The following HOXD12 variants were observed in gnomAD, a reference collection of about 807,000 sequenced individuals.
The protein encoded by HOXD12 is homeobox D12, also known as homeobox protein Hox-D12.
In HOXD12, 21 loss-of-function variants were observed where a neutral mutation model predicts 20.2. The observed-to-expected ratio is 1.04, with a 90% confidence interval of 0.74 to 1.50. The LOEUF is 1.50. HOXD12 is among the 40% of genes most tolerant of loss of function. The probability of loss-of-function intolerance (pLI) is 0.00; values close to 1 mark genes in which losing one functional copy is unlikely to be tolerated. For missense variants in HOXD12, 472 were observed against 365.5 expected, an observed-to-expected ratio of 1.29 and a Z score of -2.38; for synonymous variants, 196 against 168.8, an observed-to-expected ratio of 1.16 and a Z score of -1.25.
In HOXD12 at chr2:176,100,159, GC is replaced by G; in HGVS notation, c.363del (p.Glu122SerfsTer51). On this transcript the variant is annotated frameshift_variant, in exon 1 of 2. Transcript: ENST00000406506. LOFTEE classifies it high-confidence loss of function. ...GCGCGGTCGTACCCGGCCGTCCTTCGCCCCCGAGTCTAGCCTGGCTCCTGCA... is the reference window on the plus strand; with the variant it reads ...GCGCGGTCGTACCCGGCCGTCCTTCGCCCCGAGTCTAGCCTGGCTCCTGCA... ...EERGRTRPSF[A>X]PESSLAPAVA... The G allele has an allele frequency of 6.2e-7, 1 of 1,611,878 alleles. No individual in the cohort carries two copies. The highest frequency in any genetic ancestry group is 8.5e-7 in the Non-Finnish European group (1 of 1,179,708).
Position 176,101,945 on chromosome 2 carries a change from A to G in HOXD12, c.*1185A>G, listed in dbSNP as rs1162328516. Reference sequence around the variant, plus strand: ...CTCTCACCGTCTCTACCATCTGCCAACTCTACCAGAGGCCCAGCTACTGTG... The same window carrying G: ...CTCTCACCGTCTCTACCATCTGCCAGCTCTACCAGAGGCCCAGCTACTGTG... On this transcript the variant is annotated 3_prime_UTR_variant, in exon 2 of 2. Coordinates refer to ENST00000406506, the MANE Select transcript of HOXD12 (RefSeq NM_021193.4). Among the ~76,000 whole-genome samples the G allele has an allele frequency of 6.6e-6, 1 of 152,150 alleles. No homozygotes were observed. The highest frequency in any genetic ancestry group is 1.5e-5 in the Non-Finnish European group (1 of 68,026).
Position 176,101,095 on chromosome 2 carries a change from C to T in HOXD12, c.*335C>T. On this transcript the variant is annotated 3_prime_UTR_variant, in exon 2 of 2. Coordinates refer to ENST00000406506, the MANE Select transcript of HOXD12 (RefSeq NM_021193.4). ...CCCCGGTACCTGGATTTTTCTGTTT[C>T]CACCCAATTCGTTCTCCCTTTCCCC... The T allele has an allele frequency of 2.4e-6, 1 of 420,910 alleles. No individual in the cohort carries two copies. The highest frequency in any genetic ancestry group is 4.3e-6 in the Non-Finnish European group (1 of 232,778). The allele number at this position is 420,910 out of a possible 1,614,324, so 26.1% of individuals were successfully genotyped here.
Position 176,100,691 on chromosome 2 carries a change from C to G in HOXD12, c.744C>G (p.Ile248Met). The G allele has an allele frequency of 6.2e-7, 1 of 1,614,040 alleles. No homozygotes were observed. Among genetic ancestry groups the G allele is most frequent in the Non-Finnish European group, 8.5e-7 (1 of 1,179,880 alleles). The change falls in exon 2 of 2, where the codon ATC (isoleucine) becomes ATG (methionine). Residue 248 changes from isoleucine to methionine, a missense_variant. Coordinates refer to ENST00000406506, the MANE Select transcript of HOXD12 (RefSeq NM_021193.4). Reference protein sequence around the residue: ...RLNLSDQQVKIWFQNRRMKKK... With the variant: ...RLNLSDQQVKMWFQNRRMKKK... ...ACCTCAGCGACCAGCAAGTCAAAAT[C>G]TGGTTCCAGAACAGGCGTATGAAGA...
Position 176,100,708 on chromosome 2 carries a change from G to A in HOXD12, c.761G>A (p.Arg254His), listed in dbSNP as rs375056968. The A allele has an allele frequency of 1.5e-5, 25 of 1,613,872 alleles. No individual in the cohort carries two copies. The highest frequency in any genetic ancestry group is 1.9e-5 in the Non-Finnish European group (22 of 1,179,876). ...QQVKIWFQNR[R>H]MKKKRVVLRE... The stretch of plus-strand genomic sequence containing the variant: ...GTCAAAATCTGGTTCCAGAACAGGC[G>A]TATGAAGAAGAAGCGCGTGGTGCTT... The change falls in exon 2 of 2, where the codon CGT becomes CAT. Residue 254 changes from arginine to histidine, a missense_variant. Transcript: ENST00000406506.
chr2:176,100,098 G>T lies in HOXD12; in HGVS notation c.297G>T (p.Lys99Asn), dbSNP rs371388978. The T allele has an allele frequency of 2.5e-6, 4 of 1,606,856 alleles. No homozygotes were observed. The highest frequency in any genetic ancestry group is 3.4e-6 in the Non-Finnish European group (4 of 1,178,284). The change falls in exon 1 of 2, where the codon AAG becomes AAT. Residue 99 changes from lysine to asparagine, a missense_variant. Transcript: ENST00000406506. ...TAKDGPEEQA[K>N]FYAPEAAAGP... ...AAGACGGACCCGAAGAGCAGGCTAA[G>T]TTCTATGCGCCCGAAGCGGCCGCTG...
Position 176,101,999 on chromosome 2 carries a change from C to T in HOXD12, c.*1239C>T, listed in dbSNP as rs1289923786. ...CTTCTGAGGCATGTCTGGCCTGTCC[C>T]AGTGGAGACTTTAAGGCCCTGGGCC... On this transcript the variant is annotated 3_prime_UTR_variant, in exon 2 of 2. Transcript: ENST00000406506. Among the ~76,000 whole-genome samples, 1 of 152,240 alleles carries T rather than the reference C, an allele frequency of 6.6e-6. No individual in the cohort carries two copies. Among genetic ancestry groups the T allele is most frequent in the African/African-American group, 2.4e-5 (1 of 41,456 alleles).
In HOXD12 at chr2:176,100,228, G is replaced by C. The variant is rs964223599; in HGVS notation, c.427G>C (p.Gly143Arg). The C allele has an allele frequency of 6.2e-7, 1 of 1,612,218 alleles. No individual in the cohort carries two copies. Among genetic ancestry groups the C allele is most frequent in the South Asian group, 1.1e-5 (1 of 91,072 alleles). Reference sequence around the variant, plus strand: ...GGCCAAGTATGACTACGCTGGTGTGGGTCGTGCCACGCCGGGCTCCACGAC... The same window carrying C: ...GGCCAAGTATGACTACGCTGGTGTGCGTCGTGCCACGCCGGGCTCCACGAC... ...KAAKYDYAGV[G>R]RATPGSTTLL... The change falls in exon 1 of 2, where the codon GGT (glycine) becomes CGT (arginine). Residue 143 changes from glycine (G) to arginine (R), a missense_variant. Physicochemically the swap from Gly to Arg is moderately radical, Grantham distance 125. Transcript: ENST00000406506.
At position 176,101,023 on chromosome 2, in the gene HOXD12, C is replaced by G. The variant is rs1002850514; in HGVS notation, c.*263C>G. 3.2e-5 allele frequency: 18 copies of G among 556,242 alleles called. No individual in the cohort carries two copies. In the Middle Eastern group the frequency reaches 1.9e-3, roughly 58 times the overall value. The allele number at this position is 556,242 out of a possible 1,614,324, so 34.5% of individuals were successfully genotyped here. A position where few individuals can be genotyped will look rare whatever the true frequency, so the allele number is the denominator to read the frequency against. On this transcript the variant is annotated 3_prime_UTR_variant, in exon 2 of 2. Transcript: ENST00000406506. Reference sequence around the variant, plus strand: ...CCACGTTGGGGGACTGAGGCCAACTCTCCTTGCTCCTGGCTGGGGCATTTG... The same window carrying G: ...CCACGTTGGGGGACTGAGGCCAACTGTCCTTGCTCCTGGCTGGGGCATTTG...
Position 176,101,109 on chromosome 2 carries a change from C to T in HOXD12, c.*349C>T. On this transcript the variant is annotated 3_prime_UTR_variant, in exon 2 of 2. Coordinates refer to ENST00000406506, the MANE Select transcript of HOXD12 (RefSeq NM_021193.4). The stretch of plus-strand genomic sequence containing the variant: ...TTTTTCTGTTTCCACCCAATTCGTT[C>T]TCCCTTTCCCCCTCTCTCCAGCCCC... 1 of 387,576 alleles carries T rather than the reference C, an allele frequency of 2.6e-6. No homozygotes were observed. The highest frequency in any genetic ancestry group is 4.7e-6 in the Non-Finnish European group (1 of 211,600). The allele number at this position is 387,576 out of a possible 1,614,324, so 24.0% of individuals were successfully genotyped here.
At position 176,100,832 on chromosome 2, in the gene HOXD12, G is replaced by GGGCTAA; in HGVS notation, c.*83_*88dup. On this transcript the variant is annotated 3_prime_UTR_variant, in exon 2 of 2. Transcript: ENST00000406506. ...GGCCTTGTTTGGGGAGGGGGATCTG[G>GGGCTAA]GGCTAAGGCTAAGGCTTTTCCTTCG... 1 of 1,027,594 alleles carries GGGCTAA rather than the reference G, an allele frequency of 9.7e-7. No homozygotes were observed. Among genetic ancestry groups the GGGCTAA allele is most frequent in the Non-Finnish European group, 1.5e-6 (1 of 672,308 alleles). The allele number at this position is 1,027,594 out of a possible 1,614,324, so 63.7% of individuals were successfully genotyped here.
rs529104827 is a variant in HOXD12, at chr2:176,102,170, C to T, written c.*1410C>T. Among the ~76,000 whole-genome samples, 37 of 152,218 alleles carry T rather than the reference C, an allele frequency of 2.4e-4. No individual in the cohort carries two copies. Among genetic ancestry groups the T allele is most frequent in the African/African-American group, 8.9e-4 (37 of 41,484 alleles). On this transcript the variant is annotated 3_prime_UTR_variant, in exon 2 of 2. Transcript: ENST00000406506. ...CTATCCCTGCCTCTTCTCCCCTCTC[C>T]TTCTGACATGTAGCACTCCTCCTTC... is the stretch of plus-strand genomic sequence containing the variant.
chr2:176,101,866 T>C lies in HOXD12; in HGVS notation c.*1106T>C, dbSNP rs1298792649. Among the ~76,000 whole-genome samples, 1 of 152,222 alleles carries C rather than the reference T, an allele frequency of 6.6e-6. No individual in the cohort carries two copies. Among genetic ancestry groups the C allele is most frequent in the African/African-American group, 2.4e-5 (1 of 41,466 alleles). On this transcript the variant is annotated 3_prime_UTR_variant, in exon 2 of 2. Coordinates refer to ENST00000406506, the MANE Select transcript of HOXD12 (RefSeq NM_021193.4). ...TCAAGGGGAGGGGAAGGAAGTCTCT[T>C]AGATTCTCTGCCCCGCTAGCTGCTC...
chr2:176,100,630 A>G lies in HOXD12; in HGVS notation c.683A>G (p.Asn228Ser). 1.9e-6 allele frequency: 3 copies of G among 1,613,716 alleles called. No individual in the cohort carries two copies. Among genetic ancestry groups the G allele is most frequent in the Non-Finnish European group, 2.5e-6 (3 of 1,179,754 alleles). ...GAATTCCTCGTCAACGAATTCATCA[A>G]CAGGCAGAAACGCAAGGAATTGTCC... The part of the protein sequence containing the change: ...ENEFLVNEFI[N>S]RQKRKELSNR... Residue 228 changes from asparagine (N) to serine (S), a missense_variant, in exon 2 of 2, where the codon AAC (asparagine) becomes AGC (serine). Coordinates refer to ENST00000406506, the MANE Select transcript of HOXD12 (RefSeq NM_021193.4).
rs1034502026 is a variant in HOXD12 at position 176,101,451 on chromosome 2, T to G, written c.*691T>G. Among the ~76,000 whole-genome samples the G allele has an allele frequency of 3.3e-5, 5 of 152,010 alleles. No individual in the cohort carries two copies. The highest frequency in any genetic ancestry group is 7.4e-5 in the Non-Finnish European group (5 of 68,002). On this transcript the variant is annotated 3_prime_UTR_variant, in exon 2 of 2. Coordinates refer to ENST00000406506, the MANE Select transcript of HOXD12 (RefSeq NM_021193.4). ...CGAAATAGGCTGGCCTATTTCCAGC[T>G]GGGTAGAATATGTGGAACCTTCATT...
chr2:176,099,996 C>A lies in HOXD12; in HGVS notation c.195C>A (p.Gly65=), dbSNP rs1689465568. 1 of 1,562,934 alleles carries A rather than the reference C, an allele frequency of 6.4e-7. No individual in the cohort carries two copies. Residue 65 remains glycine, a synonymous_variant, in exon 1 of 2, where the codon GGC becomes GGA. Coordinates refer to ENST00000406506, the MANE Select transcript of HOXD12 (RefSeq NM_021193.4). ...PASCAPAQPA[G]ATAFGGFSQP... is the part of the protein sequence containing the mutation. ...CCTGCGCCCCCGCGCAGCCTGCGGG[C>A]GCCACTGCCTTCGGCGGCTTCTCGC... is the stretch of plus-strand genomic sequence containing the variant.
At chr2:176,100,403 G>T (rs775567401) in intron 1 of HOXD12, 28 bp downstream of exon 1, 2 of 1,609,570 alleles carry the variant, frequency 1.2e-6, no homozygotes. Context: ...TCCCCGGGCC[G>T]GTTTGGGCCG....
Position 176,100,120 on chromosome 2 carries a change from GC to G in HOXD12, c.320del (p.Ala107ValfsTer66). The G allele has an allele frequency of 6.2e-7, 1 of 1,609,904 alleles. No homozygotes were observed. The highest frequency in any genetic ancestry group is 1.1e-5 in the South Asian group (1 of 90,804). ...QAKFYAPEAA[A>X]GPEERGRTRP... ...TAAGTTCTATGCGCCCGAAGCGGCC[GC>G]TGGGCCAGAGGAGCGCGGTCGTACC... On this transcript the variant is annotated frameshift_variant, in exon 1 of 2. Transcript: ENST00000406506. LOFTEE classifies it high-confidence loss of function.
In HOXD12 at chr2:176,099,815, G is replaced by C. The variant is rs1358610228; in HGVS notation, c.14G>C (p.Ser5Thr). 1 of 1,497,956 alleles carries C rather than the reference G, an allele frequency of 6.7e-7. No homozygotes were observed. Among genetic ancestry groups the C allele is most frequent in the Non-Finnish European group, 8.9e-7 (1 of 1,127,162 alleles). 92.8% of individuals were successfully genotyped at this position (1,497,956 alleles called of 1,614,324 possible). MCER[S>T]LYRAGYVGSL... The stretch of plus-strand genomic sequence containing the variant: ...CCTTTGTTGGAGATGTGTGAGCGCA[G>C]TCTCTACAGAGCGGGCTATGTGGGC... Residue 5 changes from serine (S) to threonine (T), a missense_variant, in exon 1 of 2, where the codon AGT (serine) becomes ACT (threonine). Ser to Thr is a moderately conservative substitution (Grantham distance 58). Coordinates refer to ENST00000406506, the MANE Select transcript of HOXD12 (RefSeq NM_021193.4).
In HOXD12 at chr2:176,099,889, A is replaced by T. The variant is rs751260409; in HGVS notation, c.88A>T (p.Arg30Trp). Reference sequence around the variant, plus strand: ...AGACTCTTTCTACTTCTCCAACCTGAGGCCGAATGGCGGCCAGTTGGCCGC... The same window carrying T: ...AGACTCTTTCTACTTCTCCAACCTGTGGCCGAATGGCGGCCAGTTGGCCGC... The part of the protein sequence containing the change: ...SPDSFYFSNL[R>W]PNGGQLAALP... Residue 30 changes from arginine (R) to tryptophan (W), a missense_variant, in exon 1 of 2, where the codon AGG becomes TGG. By Grantham distance (101) the Arg-to-Trp change is moderately radical (BLOSUM62 -3). Transcript: ENST00000406506. 1 of 1,594,524 alleles carries T rather than the reference A, an allele frequency of 6.3e-7. No homozygotes were observed. The highest frequency in any genetic ancestry group is 1.1e-5 in the South Asian group (1 of 88,702).
Sources: gnomAD v4.1 joint callset for allele counts (sites outside exome capture counted in the v4.1 genomes callset) on GRCh38, gnomAD v4.1.1 for gene constraint, MANE v1.5 for transcripts, NCBI Gene and HGNC (gene_info 2026-07-23, HGNC 2026-07-21) for gene names.